PLXND1: variants seen among roughly 807,000 people sequenced by gnomAD.
PLXND1 encodes the protein plexin-D1.
A neutral mutation model predicts 197.7 loss-of-function variants in PLXND1; 54 were observed. The ratio of observed to expected loss-of-function variants is 0.27; its 90% CI spans 0.22 to 0.34. The LOEUF (loss-of-function observed/expected upper bound fraction) is 0.34, where lower values mean the gene tolerates loss of function less well. Among genes scored for constraint, PLXND1 ranks in the 10% least tolerant of loss-of-function variants. The pLI is 1.00. For synonymous variants in PLXND1, 1,180 were observed against 1,161.2 expected (o/e 1.02, Z -0.33); for missense variants, 2,127 against 2,699.2 (o/e 0.79, Z 4.70).
In PLXND1 at chr3:129,574,459, G is replaced by A. The variant is rs374636949; in HGVS notation, c.2562C>T (p.Pro854=). The change falls in exon 12 of 36, where the codon CCC becomes CCT. Residue 854 remains proline, a synonymous_variant. Transcript: ENST00000324093. ...VMVYNCAMGS[P]DCSQCLGRED... is the part of the protein sequence containing the mutation. ...CGCGGCCCAGGCACTGGGAACAGTCGGGGCTGCCCATGGCACAGTTATAGA... is the reference window on the plus strand; with the variant it reads ...CGCGGCCCAGGCACTGGGAACAGTCAGGGCTGCCCATGGCACAGTTATAGA... 22 of 1,613,000 alleles carry A rather than the reference G, an allele frequency of 1.4e-5. No individual in the cohort carries two copies. Among genetic ancestry groups the A allele is most frequent in the South Asian group, 5.5e-5 (5 of 91,076 alleles).
chr3:129,578,307 C>A, intron 9 of PLXND1, 22 bp downstream of exon 9: 2 of 1,498,432 alleles, frequency 1.3e-6, no homozygotes, highest in Non-Finnish European at 1.8e-6. Flanking sequence ...CCCCACCCGG[C>A]GCTGGCCTGG....
intron 24 of PLXND1, 79 bp from the exon 25 acceptor site, chr3:129,565,617 C>A: frequency 7.8e-7 from 1 of 1,285,400 alleles, no homozygotes; most frequent in Admixed American, 1.9e-5. Flanking sequence ...GCCGCCTCAT[C>A]CCCGGGCCCA....
Position 129,586,251 on chromosome 3 carries a change from C to G in PLXND1, c.1642G>C (p.Ala548Pro), listed in dbSNP as rs559891372. 6.3e-6 allele frequency: 10 copies of G among 1,584,782 alleles called. No individual in the cohort carries two copies. Among genetic ancestry groups the G allele is most frequent in the Non-Finnish European group, 8.5e-6 (10 of 1,171,234 alleles). ...SHQMARVKVAACNVHSTCGDC... is the reference protein window; with the variant it reads ...SHQMARVKVAPCNVHSTCGDC... The stretch of plus-strand genomic sequence containing the variant: ...CCACAGGTGGAGTGCACGTTGCAGG[C>G]GGCGACCTTCACCCTGGCCATCTGG... The change falls in exon 4 of 36, where the codon GCC (alanine) becomes CCC (proline). Residue 548 changes from alanine (A) to proline (P), a missense_variant. Physicochemically the swap from Ala to Pro is conservative, Grantham distance 27 (BLOSUM62 -1). Around this residue, in one of 6 missense-constraint regions of PLXND1, gnomAD observed 1,095 missense variants for 1,259.8 expected, o/e 0.87. Coordinates refer to ENST00000324093, the MANE Select transcript of PLXND1 (RefSeq NM_015103.3).
In PLXND1 at chr3:129,557,963, C is replaced by A. The variant is rs1488711191; in HGVS notation, c.5445+465G>T. 6.6e-6 allele frequency among the ~76,000 whole-genome samples: 1 copy of A among 152,176 alleles called. No homozygotes were observed. Among genetic ancestry groups the A allele is most frequent in the African/African-American group, 2.4e-5 (1 of 41,450 alleles). On this transcript the variant is annotated intron_variant, in intron 33 of 35. Transcript: ENST00000324093. The surrounding 1 kb of genome is among the most constrained non-coding windows in gnomAD (Gnocchi z 4.8). ...TAAAGCCAGACACAGCCTTGTGTGC[C>A]CCCAACACACCGCATGAATCTCAGA...
chr3:129,598,053 T>A (rs1291594888), intron 1 of PLXND1, among the ~76,000 whole-genome samples: 1 of 152,042 alleles, frequency 6.6e-6, no homozygotes, highest in East Asian at 1.9e-4. Context: ...ATCAGCCATG[T>A]CTCTCCTTTC....
In PLXND1 at chr3:129,560,481, G is replaced by A. The variant is rs1032454596; in HGVS notation, c.5029-47C>T. The stretch of plus-strand genomic sequence containing the variant: ...AGTGTCCGCACCAGGCCCCATCCTC[G>A]GCCGCCTGTGGGAGGTCTGGCTCTG... On this transcript the variant is annotated intron_variant, in intron 30 of 35. Coordinates refer to ENST00000324093, the MANE Select transcript of PLXND1 (RefSeq NM_015103.3). 2.1e-5 allele frequency: 28 copies of A among 1,331,502 alleles called. No homozygotes were observed. The East Asian group carries it at 2.1e-4, about 10-fold the overall frequency. 82.5% of individuals were successfully genotyped at this position (1,331,502 alleles called of 1,614,324 possible).
At chr3:129,572,539 C>G in intron 15 of PLXND1, 70 bp downstream of exon 15, 1 of 1,350,726 alleles carries the variant, frequency 7.4e-7, no homozygotes, top group Non-Finnish European at 9.8e-7. Context: ...GATGTCACCT[C>G]CAGCCCGCCA....
At chr3:129,602,704 C>T (rs2085727407) in intron 1 of PLXND1, among the ~76,000 whole-genome samples, 1 of 152,182 alleles carries the variant, frequency 6.6e-6, no homozygotes, top group African/African-American at 2.4e-5. Flanking sequence ...GATTAGGCAA[C>T]TGCTCTCCAG....
intron 27 of PLXND1, chr3:129,562,425 AC>A: frequency 4.2e-6 from 1 of 238,276 alleles, no homozygotes; most frequent in East Asian, 9.5e-5. Flanking sequence ...TGAGGGGATC[AC>A]TTGAGCCCAG....
chr3:129,596,274 C>T (rs1387129313), intron 1 of PLXND1, among the ~76,000 whole-genome samples: 2 of 152,180 alleles, frequency 1.3e-5, no homozygotes, highest in African/African-American at 4.8e-5. Context: ...GGATGGGCTA[C>T]ACCGCCCTCA....
At chr3:129,561,056 C>G in intron 29 of PLXND1, 1 of 500,232 alleles carries the variant, frequency 2.0e-6, no homozygotes, top group Non-Finnish European at 3.9e-6. Flanking sequence ...GATGGAGGGA[C>G]TTGGAAGGAG....
rs541431619 is a variant in PLXND1, at chr3:129,557,891, C to T, written c.5445+537G>A. Among the ~76,000 whole-genome samples, 10 of 152,294 alleles carry T rather than the reference C, an allele frequency of 6.6e-5. No individual in the cohort carries two copies. The highest frequency in any genetic ancestry group is 2.1e-4 in the South Asian group (1 of 4,830). ...TTTCCTGCCTCCCTGTCTTTGCCTG[C>T]GCCGTTCTCTCTGCCTGGAAGGCCA... On this transcript the variant is annotated intron_variant, in intron 33 of 35. Transcript: ENST00000324093. The surrounding 1 kb of genome is among the most constrained non-coding windows in gnomAD (Gnocchi z 4.8).
chr3:129,573,570 G>A (rs1263601550), intron 13 of PLXND1, 24 bp downstream of exon 13: 2 of 1,605,676 alleles, frequency 1.2e-6, no homozygotes, highest in African/African-American at 2.7e-5. Flanking sequence ...GGAGAAGGTA[G>A]GTGGGGGCAC....
intron 31 of PLXND1, 89 bp from the exon 32 acceptor site, chr3:129,559,872 GC>G: frequency 1.7e-6 from 2 of 1,153,104 alleles, no homozygotes; most frequent in Non-Finnish European, 2.4e-6. Context: ...AGCTTGAAAT[GC>G]CAGGCTGCTG....
At chr3:129,567,649 C>T (rs769733881) in intron 21 of PLXND1, 45 bp from the exon 22 acceptor site, 2 of 1,581,044 alleles carry the variant, frequency 1.3e-6, no homozygotes. Context: ...GAACCCATCC[C>T]CTAGGAGGGA....
chr3:129,564,824 T>C (rs531157428), intron 25 of PLXND1, among the ~76,000 whole-genome samples: 1 of 152,294 alleles, frequency 6.6e-6, no homozygotes, highest in African/African-American at 2.4e-5. Flanking sequence ...TGGAGCACCC[T>C]CCCCACCACT....
In PLXND1 at chr3:129,578,568, C is replaced by A. The variant is rs2085345899; in HGVS notation, c.2242-135G>T. On this transcript the variant is annotated intron_variant, in intron 8 of 35. Coordinates refer to ENST00000324093, the MANE Select transcript of PLXND1 (RefSeq NM_015103.3). ...AACACTAGTCATTCAGTCCTAACGG[C>A]CACCAGCCCCACCCCGTGCCTCCCA... 2.0e-5 allele frequency: 12 copies of A among 608,954 alleles called. No individual in the cohort carries two copies. In the South Asian group the frequency reaches 2.2e-4, roughly 11 times the overall value. 37.7% of individuals were successfully genotyped at this position (608,954 alleles called of 1,614,324 possible). A position where few individuals can be genotyped will look rare whatever the true frequency, so the allele number is the denominator to read the frequency against.
chr3:129,584,645 C>G (rs58763722), intron 5 of PLXND1, 83 bp from the exon 6 acceptor site: 138,210 of 1,316,864 alleles, frequency 0.1, 8,489 homozygotes, highest in East Asian at 0.28. Flanking sequence ...AACCCAAGGT[C>G]TGGCACTGCC....
intron 13 of PLXND1, among the ~76,000 whole-genome samples, chr3:129,573,221 G>A (rs1304945715): frequency 2.0e-5 from 3 of 152,054 alleles, no homozygotes; most frequent in East Asian, 1.9e-4. Context: ...CTCTGCTCAC[G>A]CGTATTTCCT....
Sources: allele counts gnomAD v4.1 joint callset (sites outside exome capture counted in the v4.1 genomes callset), GRCh38; gene constraint gnomAD v4.1.1; regional missense constraint gnomAD v4.1.1; non-coding constraint Gnocchi (gnomAD v3.1); transcripts MANE v1.5; gene names NCBI Gene and HGNC (gene_info 2026-07-23, HGNC 2026-07-21).